Variants in IPCEF1 observed in about 807,000 individuals in gnomAD.
The protein encoded by IPCEF1 is interactor protein for cytohesin exchange factors 1.
A neutral mutation model predicts 50.9 loss-of-function variants in IPCEF1; 31 were observed. The ratio of observed to expected loss-of-function variants is 0.61; its 90% CI spans 0.46 to 0.82. The LOEUF is 0.82. Ranked by LOEUF, IPCEF1 falls within the 40% of genes least tolerant of loss-of-function variation. The pLI is 0.00. For synonymous variants in IPCEF1, 181 were observed against 192.0 expected, an observed-to-expected ratio of 0.94 and a Z score of 0.47; for missense variants, 458 against 514.0, an observed-to-expected ratio of 0.89 and a Z score of 1.05.
intron 2 of IPCEF1, among the ~76,000 whole-genome samples, chr6:154,270,927 A>G (rs7738573): frequency 0.96 from 145,505 of 152,288 alleles, 69,525 homozygotes; most frequent in East Asian, 1. Flanking sequence ...AGTGAGCCGA[A>G]ATTGTGCCAC....
At chr6:154,287,024 G>A (rs1321638559) in intron 2 of IPCEF1, among the ~76,000 whole-genome samples, 1 of 152,168 alleles carries the variant, frequency 6.6e-6, no homozygotes, top group Non-Finnish European at 1.5e-5. Flanking sequence ...TTGTTTAAAA[G>A]TGTATAACAG....
rs985660981 is a variant in IPCEF1, at chr6:154,158,907, T to C, written c.*921A>G. On this transcript the variant is annotated 3_prime_UTR_variant, in exon 12 of 12. Transcript: ENST00000367220. ...CTCTTTTGTTGCTTCCATGGGTTTT[T>C]GTTTTTTTGTTTTTTTGAGTAAAGA... is the stretch of plus-strand genomic sequence containing the variant. 5 of 151,854 alleles carry C rather than the reference T, an allele frequency of 3.3e-5. No individual in the cohort carries two copies. Among genetic ancestry groups the C allele is most frequent in the African/African-American group, 9.7e-5 (4 of 41,096 alleles). The allele number at this position is 151,854 out of a possible 1,614,324, so 9.4% of individuals were successfully genotyped here.
At chr6:154,169,538 G>T (rs1799705422) in intron 10 of IPCEF1, among the ~76,000 whole-genome samples, 1 of 152,198 alleles carries the variant, frequency 6.6e-6, no homozygotes, top group Non-Finnish European at 1.5e-5. Context: ...GCTAAAGTTT[G>T]AGAACTACTG....
intron 1 of IPCEF1, chr6:154,306,761 C>T (rs1782946270): frequency 6.6e-6 from 1 of 152,250 alleles, no homozygotes; most frequent in South Asian, 2.1e-4. Context: ...CAGTTGATGA[C>T]TCTGAAACTC....
chr6:154,295,066 C>T (rs547332809), intron 1 of IPCEF1, among the ~76,000 whole-genome samples: 2 of 151,960 alleles, frequency 1.3e-5, no homozygotes, highest in South Asian at 2.1e-4. Context: ...GGTGTGGTGG[C>T]GGTCCCCTGT....
At chr6:154,236,562 A>G (rs777322716) in intron 5 of IPCEF1, among the ~76,000 whole-genome samples, 30 of 152,248 alleles carry the variant, frequency 2.0e-4, no homozygotes, top group Admixed American at 2.0e-4. Context: ...ATTAAAAAAC[A>G]TTTAATTTTA....
chr6:154,168,157 A>G lies in IPCEF1; in HGVS notation c.911-44T>C. ...GAAAGCAGTAACAATAAACCCAGTG[A>G]AAAATCAAGGAGAGAACATTCAATA... On this transcript the variant is annotated intron_variant, in intron 10 of 11. Transcript: ENST00000367220. This position sits in a 1 kb window ranked among gnomAD's most constrained non-coding sequence, Gnocchi z 4.1. 7.0e-7 allele frequency: 1 copy of G among 1,438,832 alleles called. No homozygotes were observed. Among genetic ancestry groups the G allele is most frequent in the Non-Finnish European group, 9.4e-7 (1 of 1,063,328 alleles). The allele number at this position is 1,438,832 out of a possible 1,614,324, so 89.1% of individuals were successfully genotyped here.
At chr6:154,243,961 C>T (rs921322703) in intron 5 of IPCEF1, among the ~76,000 whole-genome samples, 2 of 152,172 alleles carry the variant, frequency 1.3e-5, no homozygotes, top group East Asian at 3.9e-4. Flanking sequence ...CACTAAGTAA[C>T]AGGTGGCTCT....
intron 1 of IPCEF1, among the ~76,000 whole-genome samples, chr6:154,326,203 T>C (rs1278487300): frequency 1.4e-5 from 2 of 144,604 alleles, no homozygotes; most frequent in African/African-American, 2.6e-5. Flanking sequence ...GCCTGAGTGA[T>C]AGAGCCAGAC....
chr6:154,257,659 T>A (rs1400701536), intron 3 of IPCEF1, among the ~76,000 whole-genome samples: 1 of 152,018 alleles, frequency 6.6e-6, no homozygotes, highest in Non-Finnish European at 1.5e-5. Context: ...CCACCAAAAC[T>A]TTTTGCTTTT....
chr6:154,197,231 C>T (rs1480981654), intron 10 of IPCEF1, among the ~76,000 whole-genome samples: 2 of 151,980 alleles, frequency 1.3e-5, no homozygotes, highest in East Asian at 1.9e-4. Context: ...TTAAAAGTCA[C>T]AAAAATGAAA....
chr6:154,201,288 C>G (rs1194396678), intron 9 of IPCEF1, among the ~76,000 whole-genome samples: 1 of 152,196 alleles, frequency 6.6e-6, no homozygotes, highest in Non-Finnish European at 1.5e-5. Flanking sequence ...AGATTTTTAT[C>G]TTTGCTACAT....
At chr6:154,300,883 G>C (rs1161081057) in intron 1 of IPCEF1, among the ~76,000 whole-genome samples, 1 of 152,150 alleles carries the variant, frequency 6.6e-6, no homozygotes, top group Non-Finnish European at 1.5e-5. Context: ...GGCTTTAATG[G>C]AGAAGTTGCC....
chr6:154,226,429 A>T (rs1264016884), intron 5 of IPCEF1, among the ~76,000 whole-genome samples: 1 of 152,038 alleles, frequency 6.6e-6, no homozygotes, highest in Non-Finnish European at 1.5e-5. Flanking sequence ...TTCAGTGAAT[A>T]ATATCACTTT....
At chr6:154,296,952 T>C (rs530320544) in intron 1 of IPCEF1, among the ~76,000 whole-genome samples, 3 of 152,292 alleles carry the variant, frequency 2.0e-5, no homozygotes, top group Admixed American at 6.5e-5. Context: ...TCAGGAGGAT[T>C]GGATGCAGAT....
Position 154,308,126 on chromosome 6 carries a change from T to A in IPCEF1, c.-61-18370A>T, listed in dbSNP as rs146280958. ...ACAGGGTGAAAGGGGCCAAAAGATA[T>A]GATTAATTTACTTATGTCCTTTCTG... On this transcript the variant is annotated intron_variant, in intron 1 of 11. Coordinates refer to ENST00000367220, the MANE Select transcript of IPCEF1 (RefSeq NM_001130700.2). 1.8e-4 allele frequency among the ~76,000 whole-genome samples: 28 copies of A among 152,218 alleles called. No homozygotes were observed. In the East Asian group the frequency reaches 4.8e-3, roughly 26 times the overall value.
chr6:154,238,677 C>T (rs951165181), intron 5 of IPCEF1, among the ~76,000 whole-genome samples: 1 of 151,988 alleles, frequency 6.6e-6, no homozygotes, highest in Non-Finnish European at 1.5e-5. Flanking sequence ...TGAGCACATA[C>T]TACTGTATAA....
intron 2 of IPCEF1, among the ~76,000 whole-genome samples, chr6:154,274,031 G>T (rs1781978446): frequency 6.7e-6 from 1 of 149,854 alleles, no homozygotes; most frequent in Admixed American, 6.6e-5. Context: ...GGGATTACAG[G>T]CATGAGCCAC....
At chr6:154,330,302 C>T (rs554504476) in intron 1 of IPCEF1, among the ~76,000 whole-genome samples, 127 of 145,510 alleles carry the variant, frequency 8.7e-4, no homozygotes, top group African/African-American at 3.0e-3. Context: ...GCAGGAGCAA[C>T]GGGACTTCTA....
Sources: allele counts gnomAD v4.1 joint callset (sites outside exome capture counted in the v4.1 genomes callset), GRCh38; gene constraint gnomAD v4.1.1; non-coding constraint Gnocchi (gnomAD v3.1); transcripts MANE v1.5; gene names NCBI Gene and HGNC (gene_info 2026-07-23, HGNC 2026-07-21).